SLC37A3: variants seen among roughly 807,000 people sequenced by gnomAD.
SLC37A3 encodes the protein solute carrier family 37 member 3.
A neutral mutation model predicts 67.1 loss-of-function variants in SLC37A3; 51 were observed. The ratio of observed to expected loss-of-function variants is 0.76; its 90% confidence interval spans 0.61 to 0.96. SLC37A3 has a LOEUF of 0.96. SLC37A3 is among the 40% of genes least tolerant of loss of function. SLC37A3 has a pLI of 0.00. For synonymous variants in SLC37A3, 214 were observed against 231.4 expected (o/e 0.92, Z 0.68); for missense variants, 508 against 603.0 (o/e 0.84, Z 1.65).
intron 11 of SLC37A3, among the ~76,000 whole-genome samples, chr7:140,345,512 A>AC (rs34764311): frequency 0.22 from 32,874 of 152,104 alleles, 3,623 homozygotes; most frequent in East Asian, 0.33. Flanking sequence ...ATCTTAAGGG[A>AC]ATATACCAAA....
At chr7:140,387,103 A>C (rs1272141215) in intron 1 of SLC37A3, among the ~76,000 whole-genome samples, 1 of 152,296 alleles carries the variant, frequency 6.6e-6, no homozygotes, top group African/African-American at 2.4e-5. Flanking sequence ...CTTATTTTTT[A>C]TGGTGAGAAA....
At chr7:140,367,871 G>C (rs1012751546) in intron 4 of SLC37A3, among the ~76,000 whole-genome samples, 1 of 148,990 alleles carries the variant, frequency 6.7e-6, no homozygotes, top group Admixed American at 6.7e-5. Context: ...CCAGGCTGGA[G>C]TGCAGTGACG....
At position 140,357,622 on chromosome 7, in the gene SLC37A3, T is replaced by C. The variant is rs76156556; in HGVS notation, c.521+1018A>G. On this transcript the variant is annotated intron_variant, in intron 6 of 14. Transcript: ENST00000326232. ...AGTACATACTGTATGATTCCATTTA[T>C]ATATAAAATTATGGCTGGGTGCGGT... Among the ~76,000 whole-genome samples, 1,104 of 150,476 alleles carry C rather than the reference T, an allele frequency of 7.3e-3. 10 individuals carry two copies. Among genetic ancestry groups the C allele is most frequent in the African/African-American group, 0.024 (978 of 40,932 alleles).
At chr7:140,371,158 C>T (rs533083777) in intron 3 of SLC37A3, among the ~76,000 whole-genome samples, 12 of 152,150 alleles carry the variant, frequency 7.9e-5, no homozygotes, top group East Asian at 5.8e-4. Flanking sequence ...AACCACAAAA[C>T]GAATTCTTTC....
In SLC37A3 at chr7:140,335,146, C is replaced by G; in HGVS notation, c.*266G>C. On this transcript the variant is annotated 3_prime_UTR_variant, in exon 15 of 15. Coordinates refer to ENST00000326232, the MANE Select transcript of SLC37A3 (RefSeq NM_207113.3). The stretch of plus-strand genomic sequence containing the variant: ...GGCCAAACAAAGACGCGGGCAGAGT[C>G]AGAGGTCAAAGATGCTGGCAGAGTC... 7.3e-7 allele frequency: 1 copy of G among 1,369,110 alleles called. No individual in the cohort carries two copies. Among genetic ancestry groups the G allele is most frequent in the Non-Finnish European group, 1.0e-6 (1 of 1,002,306 alleles). The allele number at this position is 1,369,110 out of a possible 1,614,324, so 84.8% of individuals were successfully genotyped here.
At chr7:140,357,687 C>G (rs1175545993) in intron 6 of SLC37A3, among the ~76,000 whole-genome samples, 1 of 151,830 alleles carries the variant, frequency 6.6e-6, no homozygotes, top group East Asian at 1.9e-4. Context: ...AAGGCTGAGG[C>G]GGGCGAAATC....
intron 14 of SLC37A3, 66 bp downstream of exon 14, chr7:140,337,218 A>T: frequency 7.5e-7 from 1 of 1,331,810 alleles, no homozygotes; most frequent in Non-Finnish European, 1.0e-6. Flanking sequence ...AAGTGACTTA[A>T]GTAAGTGCTT....
At chr7:140,340,065 G>A (rs753166833) in intron 13 of SLC37A3, among the ~76,000 whole-genome samples, 11 of 152,204 alleles carry the variant, frequency 7.2e-5, no homozygotes, top group African/African-American at 9.6e-5. Flanking sequence ...TACAGCCATC[G>A]TAGTAAGCAT....
chr7:140,374,049 T>C (rs1482435620), intron 3 of SLC37A3, among the ~76,000 whole-genome samples: 1 of 152,242 alleles, frequency 6.6e-6, no homozygotes, highest in Non-Finnish European at 1.5e-5. Context: ...CTTTAATTTC[T>C]AAACTAGTAT....
intron 3 of SLC37A3, among the ~76,000 whole-genome samples, chr7:140,377,950 C>T (rs1038013382): frequency 6.6e-6 from 1 of 152,158 alleles, no homozygotes; most frequent in African/African-American, 2.4e-5. Flanking sequence ...CACGCCAGGC[C>T]GGCCTCTTCC....
chr7:140,356,828 G>A (rs1201658247), intron 6 of SLC37A3, among the ~76,000 whole-genome samples: 3 of 152,198 alleles, frequency 2.0e-5, no homozygotes, highest in Non-Finnish European at 4.4e-5. Flanking sequence ...GCCAAGTGTT[G>A]GGAAGGGCAC....
chr7:140,389,522 C>T (rs557297899), intron 1 of SLC37A3, among the ~76,000 whole-genome samples: 7 of 152,128 alleles, frequency 4.6e-5, no homozygotes, highest in African/African-American at 1.7e-4. Flanking sequence ...CCCGACTGCT[C>T]GGGGAGACTG....
At chr7:140,368,745 C>G (rs1797705354) in intron 4 of SLC37A3, among the ~76,000 whole-genome samples, 1 of 152,150 alleles carries the variant, frequency 6.6e-6, no homozygotes, top group African/African-American at 2.4e-5. Flanking sequence ...TCAAAGCTTT[C>G]TATCTCCCCA....
At chr7:140,353,709 T>A (rs28642077) in intron 7 of SLC37A3, among the ~76,000 whole-genome samples, 5 of 151,826 alleles carry the variant, frequency 3.3e-5, no homozygotes, top group African/African-American at 1.2e-4. Flanking sequence ...CTTAGCACAC[T>A]GTTTTGTTTT....
In SLC37A3 at chr7:140,349,105, T is replaced by G. The variant is rs576283720; in HGVS notation, c.883-338A>C. 3.9e-5 allele frequency among the ~76,000 whole-genome samples: 6 copies of G among 152,344 alleles called. No homozygotes were observed. In the South Asian group the frequency reaches 1.2e-3, roughly 32 times the overall value. Reference sequence around the variant, plus strand: ...TATAAGGCAGAGCACATACCCATATTTCTTTATTCACACAAAGAGGAATGG... The same window carrying G: ...TATAAGGCAGAGCACATACCCATATGTCTTTATTCACACAAAGAGGAATGG... On this transcript the variant is annotated intron_variant, in intron 9 of 14. Coordinates refer to ENST00000326232, the MANE Select transcript of SLC37A3 (RefSeq NM_207113.3).
At chr7:140,339,911 T>C (rs1454717659) in intron 13 of SLC37A3, among the ~76,000 whole-genome samples, 2 of 151,928 alleles carry the variant, frequency 1.3e-5, no homozygotes, top group South Asian at 2.1e-4. Flanking sequence ...CAATTTTTCT[T>C]GTATTTTTAG....
At chr7:140,343,090 C>T (rs1230262232) in intron 13 of SLC37A3, among the ~76,000 whole-genome samples, 3 of 152,040 alleles carry the variant, frequency 2.0e-5, no homozygotes, top group South Asian at 4.1e-4. Context: ...CCCCCCACCA[C>T]GGAATACCAA....
At chr7:140,364,066 C>G (rs146293863) in intron 5 of SLC37A3, among the ~76,000 whole-genome samples, 57 of 152,322 alleles carry the variant, frequency 3.7e-4, no homozygotes, top group African/African-American at 1.3e-3. Flanking sequence ...GACTGGCCAA[C>G]ATGGTGAAAC....
At chr7:140,338,972 G>T (rs113986404) in intron 13 of SLC37A3, among the ~76,000 whole-genome samples, 1 of 151,998 alleles carries the variant, frequency 6.6e-6, no homozygotes, top group South Asian at 2.1e-4. Context: ...GGCCAGGCTG[G>T]TCTCAAACTC....
Sources: allele counts gnomAD v4.1 joint callset (sites outside exome capture counted in the v4.1 genomes callset), GRCh38; gene constraint gnomAD v4.1.1; transcripts MANE v1.5; gene names NCBI Gene and HGNC (gene_info 2026-07-23, HGNC 2026-07-21).